PLAGL1: variants seen among roughly 807,000 people sequenced by gnomAD.
PLAGL1 encodes the protein PLAG1 like zinc finger 1, also known as zinc finger protein PLAGL1.
PLAGL1 carries 1 observed loss-of-function variant against 4.6 expected under a neutral mutation model. The ratio of observed to expected loss-of-function variants is 0.22; its 90% CI spans 0.08 to 1.03. The LOEUF is 1.03. PLAGL1 is among the 50% of genes least tolerant of loss of function. PLAGL1 has a pLI of 0.58. For synonymous variants in PLAGL1, 240 were observed against 237.8 expected (o/e 1.01, Z -0.08); for missense variants, 464 against 570.4 (o/e 0.81, Z 1.90).
chr6:144,030,254 C>CAAAAAAAAAAAA lies in PLAGL1; in HGVS notation c.-151+34202_-151+34213dup, dbSNP rs66563676. Among the ~76,000 whole-genome samples the CAAAAAAAAAAAA allele has an allele frequency of 1.6e-4, 7 of 44,554 alleles. 1 individual carries two copies. Among genetic ancestry groups the CAAAAAAAAAAAA allele is most frequent in the Admixed American group, 4.2e-4 (1 of 2,368 alleles). 29.2% of individuals were successfully genotyped at this position (44,554 alleles called of 152,430 possible). Reference sequence around the variant, plus strand: ...TGGGTGACAGAGCGAGACTCCGTCTCAAAAAAAAAAAAAAAAAAAAAAAAA... The same window carrying CAAAAAAAAAAAA: ...TGGGTGACAGAGCGAGACTCCGTCTCAAAAAAAAAAAAAAAAAAAAAAAAAAAAAAAAAAAAA... On this transcript the variant is annotated intron_variant, in intron 1 of 3. Transcript: ENST00000437412.
chr6:144,051,465 T>G (rs1798579931), intron 1 of PLAGL1, among the ~76,000 whole-genome samples: 1 of 152,240 alleles, frequency 6.6e-6, no homozygotes, highest in South Asian at 2.1e-4. Context: ...CATTTACTCC[T>G]GTTTTTTTCA....
intron 2 of PLAGL1, among the ~76,000 whole-genome samples, chr6:143,980,297 C>T (rs950867159): frequency 1.3e-5 from 2 of 151,896 alleles, no homozygotes; most frequent in Admixed American, 1.3e-4. Flanking sequence ...TATTTTCTGT[C>T]CTCTCCCTCC....
In PLAGL1 at chr6:144,055,333, A is replaced by G. The variant is rs1282532603; in HGVS notation, c.-151+9135T>C. Among the ~76,000 whole-genome samples the G allele has an allele frequency of 6.6e-6, 1 of 152,224 alleles. No individual in the cohort carries two copies. Among genetic ancestry groups the G allele is most frequent in the Non-Finnish European group, 1.5e-5 (1 of 68,042 alleles). ...TCACAAAGCCAAGAACAGAAGCAGC[A>G]CCAGAACCACAACCCACCATGACTT... On this transcript the variant is annotated intron_variant, in intron 1 of 3. Transcript: ENST00000437412. This position sits in a 1 kb window ranked among gnomAD's most constrained non-coding sequence, Gnocchi z 5.0.
chr6:143,941,173 G>A lies in PLAGL1; in HGVS notation c.*251C>T, dbSNP rs1433038277. On this transcript the variant is annotated 3_prime_UTR_variant, in exon 8 of 8. Coordinates refer to ENST00000674357, the MANE Select transcript of PLAGL1 (RefSeq NM_001317162.2). The surrounding 1 kb of genome is among the most constrained non-coding windows in gnomAD (Gnocchi z 6.0). ...ATATATAGCAGCCGTCATTTTGGATGTTGGTTATGACAATATTTGCAGTTT... is the reference window on the plus strand; with the variant it reads ...ATATATAGCAGCCGTCATTTTGGATATTGGTTATGACAATATTTGCAGTTT... 1.8e-5 allele frequency: 6 copies of A among 336,334 alleles called. No homozygotes were observed. Among genetic ancestry groups the A allele is most frequent in the Admixed American group, 8.8e-5 (2 of 22,798 alleles). The allele number at this position is 336,334 out of a possible 1,614,324, so 20.8% of individuals were successfully genotyped here.
At position 144,016,425 on chromosome 6, in the gene PLAGL1, T is replaced by C. The variant is rs904831207; in HGVS notation, c.-150-47447A>G. On this transcript the variant is annotated intron_variant, in intron 1 of 3. Transcript: ENST00000437412. This position sits in a 1 kb window ranked among gnomAD's most constrained non-coding sequence, Gnocchi z 4.2. ...TTCCCCAGACCACTGACTCAAATAT[T>C]AATCTCTTTTGGTAACACTCTCACA... is the stretch of plus-strand genomic sequence containing the variant. 6.6e-6 allele frequency among the ~76,000 whole-genome samples: 1 copy of C among 152,212 alleles called. No homozygotes were observed. Among genetic ancestry groups the C allele is most frequent in the Non-Finnish European group, 1.5e-5 (1 of 68,032 alleles).
rs1418950396 is a variant in PLAGL1, at chr6:143,962,125, G to A, written c.-398-1583C>T. On this transcript the variant is annotated intron_variant, in intron 5 of 7. Coordinates refer to ENST00000674357, the MANE Select transcript of PLAGL1 (RefSeq NM_001317162.2). The surrounding 1 kb of genome is among the most constrained non-coding windows in gnomAD (Gnocchi z 5.3). ...AGCTTTTCCCACCTGCCATCTCTGC[G>A]CCAGTCTAATGCTTAAATAGTTAAC... Among the ~76,000 whole-genome samples the A allele has an allele frequency of 2.6e-5, 4 of 152,134 alleles. No individual in the cohort carries two copies. Among genetic ancestry groups the A allele is most frequent in the African/African-American group, 4.8e-5 (2 of 41,412 alleles).
intron 1 of PLAGL1, among the ~76,000 whole-genome samples, chr6:143,998,913 A>T (rs1444600864): frequency 1.3e-5 from 2 of 152,206 alleles, no homozygotes; most frequent in Non-Finnish European, 2.9e-5. Flanking sequence ...GGAGAAGGCC[A>T]GTAAAGTAAG....
rs1202983963 is a variant in PLAGL1, at chr6:144,015,164, A to G, written c.-150-46186T>C. ...AAGTGTAAAATATACTCTGGCTTTC[A>G]AAGACTTGGGATTTTTTAAAAATGT... On this transcript the variant is annotated intron_variant, in intron 1 of 3. Transcript: ENST00000437412. The surrounding 1 kb of genome is among the most constrained non-coding windows in gnomAD (Gnocchi z 4.3). Among the ~76,000 whole-genome samples the G allele has an allele frequency of 6.6e-6, 1 of 152,214 alleles. No individual in the cohort carries two copies. The highest frequency in any genetic ancestry group is 2.4e-5 in the African/African-American group (1 of 41,454).
rs929790622 is a variant in PLAGL1, at chr6:143,994,363, G to A, written c.-583-9189C>T. Reference sequence around the variant, plus strand: ...ACATGTTCTGCACTGTGTCATCTGAGAATATGAACATCTTTCCTCCGCTGT... The same window carrying A: ...ACATGTTCTGCACTGTGTCATCTGAAAATATGAACATCTTTCCTCCGCTGT... On this transcript the variant is annotated intron_variant, in intron 1 of 7. Coordinates refer to ENST00000674357, the MANE Select transcript of PLAGL1 (RefSeq NM_001317162.2). This position sits in a 1 kb window ranked among gnomAD's most constrained non-coding sequence, Gnocchi z 4.3. 6.6e-6 allele frequency among the ~76,000 whole-genome samples: 1 copy of A among 152,170 alleles called. No homozygotes were observed. The highest frequency in any genetic ancestry group is 2.4e-5 in the African/African-American group (1 of 41,432).
In PLAGL1 at chr6:143,945,601, G is replaced by T. The variant is rs534446645; in HGVS notation, c.152+2384C>A. Among the ~76,000 whole-genome samples, 1 of 152,046 alleles carries T rather than the reference G, an allele frequency of 6.6e-6. No individual in the cohort carries two copies. The highest frequency in any genetic ancestry group is 1.5e-5 in the Non-Finnish European group (1 of 68,006). On this transcript the variant is annotated intron_variant, in intron 7 of 7. Coordinates refer to ENST00000674357, the MANE Select transcript of PLAGL1 (RefSeq NM_001317162.2). The surrounding 1 kb of genome is among the most constrained non-coding windows in gnomAD (Gnocchi z 4.2). ...AGTGATCCTCCTACCTCAGCCTCCC[G>T]AGTAGCTGGGATTACAGGCGTGTAC...
rs909259257 is a variant in PLAGL1 at position 143,983,393 on chromosome 6, T to A, written c.-544+1742A>T. ...AGAGAGGAATGGGAGTTAAATAATT[T>A]TTTTAAGTAAAGCAGGGAGGTGGGA... On this transcript the variant is annotated intron_variant, in intron 2 of 7. Transcript: ENST00000674357. This position sits in a 1 kb window ranked among gnomAD's most constrained non-coding sequence, Gnocchi z 6.6. 6.6e-5 allele frequency among the ~76,000 whole-genome samples: 10 copies of A among 152,138 alleles called. No homozygotes were observed. Among genetic ancestry groups the A allele is most frequent in the African/African-American group, 2.4e-4 (10 of 41,422 alleles).
chr6:143,954,993 A>AATATGCAAGACTGG lies in PLAGL1; in HGVS notation c.-325+5462_-325+5475dup, dbSNP rs1452349645. On this transcript the variant is annotated intron_variant, in intron 6 of 7. Transcript: ENST00000674357. The surrounding 1 kb of genome is among the most constrained non-coding windows in gnomAD (Gnocchi z 5.1). ...AGTGCCCAGCCAAAGGGAAAGAGAC[A>AATATGCAAGACTGG]ATATGCAAGACTGGAATCATGGACA... Among the ~76,000 whole-genome samples, 3 of 152,222 alleles carry AATATGCAAGACTGG rather than the reference A, an allele frequency of 2.0e-5. No homozygotes were observed. The East Asian group carries it at 5.8e-4, about 29-fold the overall frequency.
Position 143,970,134 on chromosome 6 carries a change from A to G in PLAGL1, c.-543-1156T>C, listed in dbSNP as rs941572765. On this transcript the variant is annotated intron_variant, in intron 2 of 7. Coordinates refer to ENST00000674357, the MANE Select transcript of PLAGL1 (RefSeq NM_001317162.2). The surrounding 1 kb of genome is among the most constrained non-coding windows in gnomAD (Gnocchi z 5.8). ...CCCTAAGTAACCTCCTTCTCTGAGT[A>G]GCCCACATTTGTGCCTTGACCAAAA... 6.6e-6 allele frequency among the ~76,000 whole-genome samples: 1 copy of G among 152,214 alleles called. No individual in the cohort carries two copies. Among genetic ancestry groups the G allele is most frequent in the Admixed American group, 6.5e-5 (1 of 15,282 alleles).
chr6:144,021,658 G>A (rs1365069837), intron 1 of PLAGL1, among the ~76,000 whole-genome samples: 2 of 152,134 alleles, frequency 1.3e-5, no homozygotes, highest in Admixed American at 1.3e-4. Context: ...TTCTCCTATT[G>A]TGATTTTAAA....
intron 1 of PLAGL1, among the ~76,000 whole-genome samples, chr6:144,045,472 T>C (rs1009760293): frequency 5.3e-5 from 8 of 152,212 alleles, no homozygotes; most frequent in Non-Finnish European, 8.8e-5. Flanking sequence ...GATATGAAAT[T>C]CTGGGTTGAA....
rs1300661312 is a variant in PLAGL1 at position 144,000,665 on chromosome 6, T to C, written c.-584+7425A>G. ...TCATAAACAGGTACTAAAACTCATA[T>C]GGAATGGGAAAGGTCTAAAATTGCC... On this transcript the variant is annotated intron_variant, in intron 1 of 7. Coordinates refer to ENST00000674357, the MANE Select transcript of PLAGL1 (RefSeq NM_001317162.2). This position sits in a 1 kb window ranked among gnomAD's most constrained non-coding sequence, Gnocchi z 4.1. 6.6e-6 allele frequency among the ~76,000 whole-genome samples: 1 copy of C among 152,094 alleles called. No individual in the cohort carries two copies. The highest frequency in any genetic ancestry group is 2.4e-5 in the African/African-American group (1 of 41,454).
intron 1 of PLAGL1, among the ~76,000 whole-genome samples, chr6:144,033,593 T>C (rs1383456631): frequency 6.6e-6 from 1 of 152,216 alleles, no homozygotes; most frequent in Non-Finnish European, 1.5e-5. Context: ...ATCTTTGTTA[T>C]ATACTAGTAG....
In PLAGL1 at chr6:144,006,778, T is replaced by C. The variant is rs1794294545; in HGVS notation, c.-584+1312A>G. 1 of 152,168 alleles carries C rather than the reference T, an allele frequency of 6.6e-6. No individual in the cohort carries two copies. The highest frequency in any genetic ancestry group is 2.4e-5 in the African/African-American group (1 of 41,430). The allele number at this position is 152,168 out of a possible 1,614,324, so 9.4% of individuals were successfully genotyped here. ...CTGCTTGTGGACATGTATTAAAATT[T>C]ATCTAGGGCAGTGGCTTTCAAACTT... On this transcript the variant is annotated intron_variant, in intron 1 of 7. Coordinates refer to ENST00000674357, the MANE Select transcript of PLAGL1 (RefSeq NM_001317162.2). The surrounding 1 kb of genome is among the most constrained non-coding windows in gnomAD (Gnocchi z 4.3).
chr6:144,047,686 C>G (rs1798265478), intron 1 of PLAGL1, among the ~76,000 whole-genome samples: 1 of 152,150 alleles, frequency 6.6e-6, no homozygotes, highest in African/African-American at 2.4e-5. Flanking sequence ...CACACCAGGT[C>G]TCTCCCTCAA....
Sources: allele counts gnomAD v4.1 joint callset (sites outside exome capture counted in the v4.1 genomes callset), GRCh38; gene constraint gnomAD v4.1.1; non-coding constraint Gnocchi (gnomAD v3.1); transcripts MANE v1.5; gene names NCBI Gene and HGNC (gene_info 2026-07-23, HGNC 2026-07-21).